Variants in REPS1 observed in about 807,000 individuals in gnomAD.
The protein encoded by REPS1 is RALBP1 associated Eps domain containing 1.
In REPS1, 39 loss-of-function variants were observed where a neutral mutation model predicts 100.9. The observed-to-expected ratio is 0.39, with a 90% CI of 0.30 to 0.50. The LOEUF (loss-of-function observed/expected upper bound fraction) is 0.50. REPS1 is among the 20% of genes least tolerant of loss of function. The probability of loss-of-function intolerance (pLI) is 0.86; values close to 1 mark genes in which losing one functional copy is unlikely to be tolerated. For missense variants in REPS1, 821 were observed against 968.5 expected (o/e 0.85, Z 2.02); for synonymous variants, 324 against 340.3 (o/e 0.95, Z 0.53).
In REPS1 at chr6:138,960,498, G is replaced by GA. The variant is rs913526252; in HGVS notation, c.154-12586dup. Among the ~76,000 whole-genome samples, 295 of 145,470 alleles carry GA rather than the reference G, an allele frequency of 2.0e-3. 2 individuals are homozygous for GA. The highest frequency in any genetic ancestry group is 2.4e-3 in the Non-Finnish European group (156 of 65,946). ...ATACAAATAACTATTTTCCAAAACT[G>GA]AAAAAAAAAAATCAAGTGAGAAGAG... On this transcript the variant is annotated intron_variant, in intron 1 of 19. Coordinates refer to ENST00000450536, the MANE Select transcript of REPS1 (RefSeq NM_001286611.2).
rs564380731 is a variant in REPS1, at chr6:138,920,162, C to G, written c.1528+53G>C. 283 of 943,830 alleles carry G rather than the reference C, an allele frequency of 3.0e-4. 1 individual carries two copies. In the South Asian group the frequency reaches 3.7e-3, roughly 12 times the overall value. 58.5% of individuals were successfully genotyped at this position (943,830 alleles called of 1,614,324 possible). On this transcript the variant is annotated intron_variant, in intron 12 of 19. Transcript: ENST00000450536. ...TGCATACACATCTGAAATAGTCAGA[C>G]TCTAAATCCAGACTTAGTAAACTTC...
chr6:138,920,339 A>G (rs760100013), intron 11 of REPS1, 23 bp from the exon 12 acceptor site: 1 of 1,267,920 alleles, frequency 7.9e-7, no homozygotes, highest in South Asian at 1.2e-5. Context: ...TAATAGGTAA[A>G]AATACAAGAC....
At chr6:138,921,507 T>C (rs1464581694) in intron 10 of REPS1, among the ~76,000 whole-genome samples, 1 of 149,474 alleles carries the variant, frequency 6.7e-6, no homozygotes, top group East Asian at 2.0e-4. Context: ...ATAAAAACGA[T>C]CTGGGCATAG....
intron 15 of REPS1, 88 bp downstream of exon 15, chr6:138,914,609 A>G: frequency 9.5e-7 from 1 of 1,047,724 alleles, no homozygotes; most frequent in South Asian, 1.3e-5. Context: ...ATCATTCCTG[A>G]CCTTCCAAAT....
intron 1 of REPS1, among the ~76,000 whole-genome samples, chr6:138,980,546 C>A (rs1248143926): frequency 6.8e-6 from 1 of 147,230 alleles, no homozygotes; most frequent in Non-Finnish European, 1.5e-5. Flanking sequence ...TCTCCCTCCC[C>A]TGACCCCCCA....
At chr6:138,944,476 C>T (rs1782482934) in intron 5 of REPS1, 22 bp downstream of exon 5, 1 of 1,608,120 alleles carries the variant, frequency 6.2e-7, no homozygotes. Context: ...AATAAAAATG[C>T]AATACCAATA....
At chr6:138,921,567 CTTTTTTTTTTTTTT>C (rs755518526) in intron 10 of REPS1, among the ~76,000 whole-genome samples, 5 of 57,644 alleles carry the variant, frequency 8.7e-5, no homozygotes, top group East Asian at 5.6e-4. Context: ...TAGGAGGATC[CTTTTTTTTTTTTTT>C]TTTTTTTTTT....
chr6:138,916,146 C>A (rs1174277988), intron 13 of REPS1, 170 bp from the exon 14 acceptor site: 2 of 557,874 alleles, frequency 3.6e-6, no homozygotes, highest in African/African-American at 2.0e-5. Flanking sequence ...TTATGATGTA[C>A]CCTAAACAAC....
intron 1 of REPS1, among the ~76,000 whole-genome samples, chr6:138,967,109 T>C (rs1437341737): frequency 6.6e-6 from 1 of 152,278 alleles, no homozygotes; most frequent in Non-Finnish European, 1.5e-5. Flanking sequence ...GGCCCGCTCC[T>C]GCGCATGCAA....
chr6:138,937,444 A>T (rs1184403503), intron 8 of REPS1, among the ~76,000 whole-genome samples: 2 of 152,242 alleles, frequency 1.3e-5, no homozygotes, highest in African/African-American at 4.8e-5. Context: ...GCACCAAGGT[A>T]ATCTCAAATC....
At chr6:138,925,412 G>A (rs953589019) in intron 10 of REPS1, among the ~76,000 whole-genome samples, 1 of 152,036 alleles carries the variant, frequency 6.6e-6, no homozygotes, top group Non-Finnish European at 1.5e-5. Context: ...CCCATTAACT[G>A]CTAATGGTAT....
chr6:138,924,928 A>T (rs1010641892), intron 10 of REPS1, among the ~76,000 whole-genome samples: 1 of 152,252 alleles, frequency 6.6e-6, no homozygotes, highest in Admixed American at 6.5e-5. Flanking sequence ...GATAATCTAC[A>T]TATCAACTGG....
At chr6:138,962,894 C>T (rs932986070) in intron 1 of REPS1, among the ~76,000 whole-genome samples, 1 of 152,166 alleles carries the variant, frequency 6.6e-6, no homozygotes, top group Non-Finnish European at 1.5e-5. Context: ...ATTAATTTTT[C>T]TGCGGTCCCT....
chr6:138,960,218 T>TAAATA (rs1318790584), intron 1 of REPS1, among the ~76,000 whole-genome samples: 1 of 152,212 alleles, frequency 6.6e-6, no homozygotes, highest in Non-Finnish European at 1.5e-5. Flanking sequence ...GCCAATGGTC[T>TAAATA]ATGTATCAGA....
chr6:138,943,340 C>T (rs745989793), intron 7 of REPS1, among the ~76,000 whole-genome samples, 173 bp downstream of exon 7: 18 of 152,156 alleles, frequency 1.2e-4, no homozygotes, highest in Non-Finnish European at 2.1e-4. Flanking sequence ...ATCAGTATCA[C>T]TTATTTCTTT....
chr6:138,909,531 T>C (rs1053961662), intron 17 of REPS1, among the ~76,000 whole-genome samples: 16 of 152,324 alleles, frequency 1.1e-4, no homozygotes, highest in Middle Eastern at 3.4e-3. Context: ...CATAGTGATA[T>C]GGTTTGGCTC....
chr6:138,971,492 A>T (rs1784343547), intron 1 of REPS1, among the ~76,000 whole-genome samples: 1 of 152,116 alleles, frequency 6.6e-6, no homozygotes, highest in African/African-American at 2.4e-5. Flanking sequence ...AGTATACGCT[A>T]TAGTGCCAAG....
At chr6:138,915,717 G>T in intron 14 of REPS1, 141 bp downstream of exon 14, 1 of 620,516 alleles carries the variant, frequency 1.6e-6, no homozygotes, top group Non-Finnish European at 2.8e-6. Context: ...AAAGTGCTGG[G>T]ATTACAGGCA....
At chr6:138,958,290 A>C (rs750752105) in intron 1 of REPS1, among the ~76,000 whole-genome samples, 4 of 152,230 alleles carry the variant, frequency 2.6e-5, no homozygotes, top group Non-Finnish European at 4.4e-5. Context: ...AGGAAAAGGG[A>C]AAGTAGAGGA....
Sources: allele counts gnomAD v4.1 joint callset (sites outside exome capture counted in the v4.1 genomes callset), GRCh38; gene constraint gnomAD v4.1.1; transcripts MANE v1.5; gene names NCBI Gene and HGNC (gene_info 2026-07-23, HGNC 2026-07-21).